The following PERP variants were observed in gnomAD, a reference collection of about 807,000 sequenced individuals.
PERP encodes the protein p53 apoptosis effector related to PMP-22.
PERP carries 11 observed loss-of-function variants against 20.3 expected under a neutral mutation model. The ratio of observed to expected loss-of-function variants is 0.54; its 90% CI spans 0.34 to 0.90. The LOEUF (loss-of-function observed/expected upper bound fraction) is 0.90, where lower values mean the gene tolerates loss of function less well. PERP is among the 40% of genes least tolerant of loss of function. The pLI is 0.02. For synonymous variants in PERP, 101 were observed against 102.0 expected (o/e 0.99, Z 0.06); for missense variants, 224 against 249.4 (o/e 0.90, Z 0.69).
At chr6:138,093,847 G>A (rs1262828390) in intron 2 of PERP, among the ~76,000 whole-genome samples, 1 of 152,122 alleles carries the variant, frequency 6.6e-6, no homozygotes, top group East Asian at 1.9e-4. Flanking sequence ...ACTACTAAAA[G>A]TGTGTTGAGA....
Position 138,088,666 on chromosome 6 carries a change from AC to A in PERP, c.*3375del, listed in dbSNP as rs959345470. 8 of 152,104 alleles carry A rather than the reference AC, an allele frequency of 5.3e-5. No homozygotes were observed. Among genetic ancestry groups the A allele is most frequent in the Admixed American group, 5.2e-4 (8 of 15,240 alleles). 9.4% of individuals were successfully genotyped at this position (152,104 alleles called of 1,614,324 possible). On this transcript the variant is annotated 3_prime_UTR_variant, in exon 3 of 3. Transcript: ENST00000421351. ...TCCACACCCTAGGTGGATTACACTC[AC>A]CCTGACACACCTAGAAAATACACCC... is the stretch of plus-strand genomic sequence containing the variant.
rs1421390402 is a variant in PERP at position 138,089,175 on chromosome 6, G to A, written c.*2867C>T. On this transcript the variant is annotated 3_prime_UTR_variant, in exon 3 of 3. Transcript: ENST00000421351. ...GCACAGATAGCAAGGACCAAAGTTGGGATGAGACTCAAATATGCCCTTTCA... is the reference window on the plus strand; with the variant it reads ...GCACAGATAGCAAGGACCAAAGTTGAGATGAGACTCAAATATGCCCTTTCA... 2 of 152,046 alleles carry A rather than the reference G, an allele frequency of 1.3e-5. No homozygotes were observed. Among genetic ancestry groups the A allele is most frequent in the Non-Finnish European group, 2.9e-5 (2 of 68,004 alleles). The allele number at this position is 152,046 out of a possible 1,614,324, so 9.4% of individuals were successfully genotyped here.
At chr6:138,104,472 TC>T (rs1396724659) in intron 1 of PERP, among the ~76,000 whole-genome samples, 1 of 152,202 alleles carries the variant, frequency 6.6e-6, no homozygotes, top group Non-Finnish European at 1.5e-5. Flanking sequence ...TTTATATAGT[TC>T]TAAGGAATTA....
At position 138,090,193 on chromosome 6, in the gene PERP, C is replaced by T. The variant is rs1390078443; in HGVS notation, c.*1849G>A. The stretch of plus-strand genomic sequence containing the variant: ...TTCTCTATGAGAAACATTCACCTCG[C>T]ATTTTGAAAAGCATAGAAAAATTCA... On this transcript the variant is annotated 3_prime_UTR_variant, in exon 3 of 3. Transcript: ENST00000421351. 6.6e-6 allele frequency: 1 copy of T among 152,126 alleles called. No homozygotes were observed. Among genetic ancestry groups the T allele is most frequent in the Non-Finnish European group, 1.5e-5 (1 of 68,028 alleles). The allele number at this position is 152,126 out of a possible 1,614,324, so 9.4% of individuals were successfully genotyped here. A position where few individuals can be genotyped will look rare whatever the true frequency, so the allele number is the denominator to read the frequency against.
At chr6:138,094,123 C>G (rs915612391) in intron 2 of PERP, among the ~76,000 whole-genome samples, 1 of 152,094 alleles carries the variant, frequency 6.6e-6, no homozygotes, top group African/African-American at 2.4e-5. Flanking sequence ...ATTTTTTATT[C>G]TGGTAAAATA....
intron 2 of PERP, among the ~76,000 whole-genome samples, chr6:138,095,964 G>T (rs1409843193): frequency 6.6e-6 from 1 of 152,188 alleles, no homozygotes; most frequent in African/African-American, 2.4e-5. Flanking sequence ...AAGGGAAATA[G>T]TTCAGGGGCA....
At position 138,089,312 on chromosome 6, in the gene PERP, A is replaced by G. The variant is rs751773057; in HGVS notation, c.*2730T>C. ...AACCGAATTAAGTTATGATGACTAT[A>G]TTTTCCATTGTTTTCATTTCCTTAA... On this transcript the variant is annotated 3_prime_UTR_variant, in exon 3 of 3. Coordinates refer to ENST00000421351, the MANE Select transcript of PERP (RefSeq NM_022121.5). 19 of 152,008 alleles carry G rather than the reference A, an allele frequency of 1.2e-4. No homozygotes were observed. Among genetic ancestry groups the G allele is most frequent in the Non-Finnish European group, 2.2e-4 (15 of 68,008 alleles). 9.4% of individuals were successfully genotyped at this position (152,008 alleles called of 1,614,324 possible). A position where few individuals can be genotyped will look rare whatever the true frequency, so the allele number is the denominator to read the frequency against.
intron 1 of PERP, 90 bp from the exon 2 acceptor site, chr6:138,096,584 T>C: frequency 7.2e-7 from 1 of 1,391,522 alleles, no homozygotes; most frequent in Non-Finnish European, 9.6e-7. Flanking sequence ...TTTGGGCTTT[T>C]TTTCCCTACT....
rs779541876 is a variant in PERP at position 138,107,333 on chromosome 6, C to A, written c.8G>T (p.Arg3Leu). The A allele has an allele frequency of 2.5e-6, 4 of 1,595,018 alleles. No homozygotes were observed. The highest frequency in any genetic ancestry group is 3.4e-6 in the Non-Finnish European group (4 of 1,174,108). The change falls in exon 1 of 3, where the codon CGC (arginine) becomes CTC (leucine). Residue 3 changes from arginine to leucine, a missense_variant. Coordinates refer to ENST00000421351, the MANE Select transcript of PERP (RefSeq NM_022121.5). The surrounding 1 kb of genome is among the most constrained non-coding windows in gnomAD (Gnocchi z 4.8). ...GCAGCGCTCGCAGGCCAGGCCGCAG[C>A]GGATCATGTTGACGGGCGGCGCGGG... is the stretch of plus-strand genomic sequence containing the variant. Reference protein sequence around the residue: MIRCGLACERCRW... With the variant: MILCGLACERCRW...
chr6:138,096,598 T>TA, intron 1 of PERP, 104 bp from the exon 2 acceptor site: 2 of 1,263,540 alleles, frequency 1.6e-6, no homozygotes, highest in East Asian at 2.6e-5. Flanking sequence ...CCCTACTAGT[T>TA]ACATTTGGAT....
chr6:138,101,831 G>A (rs534925629), intron 1 of PERP, among the ~76,000 whole-genome samples: 19 of 152,328 alleles, frequency 1.2e-4, no homozygotes, highest in Admixed American at 1.2e-3. Flanking sequence ...TAGTCAATGA[G>A]GAGGTAATCT....
chr6:138,093,384 A>G (rs1008277845), intron 2 of PERP, among the ~76,000 whole-genome samples: 1 of 144,044 alleles, frequency 6.9e-6, no homozygotes, highest in African/African-American at 2.5e-5. Context: ...TTTCTTCTTC[A>G]TTTTTTTTTT....
chr6:138,096,291 G>T, intron 2 of PERP, 63 bp downstream of exon 2: 1 of 1,573,840 alleles, frequency 6.4e-7, no homozygotes, highest in South Asian at 1.2e-5. Flanking sequence ...TTGTGGAATT[G>T]ACCATTACTA....
At chr6:138,098,763 C>G (rs772947043) in intron 1 of PERP, among the ~76,000 whole-genome samples, 2 of 151,914 alleles carry the variant, frequency 1.3e-5, no homozygotes, top group Non-Finnish European at 2.9e-5. Context: ...TTTTTCTGTC[C>G]TAGAAACACT....
rs182754206 is a variant in PERP, at chr6:138,090,724, A to T, written c.*1318T>A. 643 of 150,510 alleles carry T rather than the reference A, an allele frequency of 4.3e-3. 10 individuals are homozygous for T. The highest frequency in any genetic ancestry group is 7.9e-4 in the Non-Finnish European group (53 of 67,432). 9.3% of individuals were successfully genotyped at this position (150,510 alleles called of 1,614,324 possible). On this transcript the variant is annotated 3_prime_UTR_variant, in exon 3 of 3. Transcript: ENST00000421351. ...ATTATATCCCATGTTCTTATTACCCATTTTTTTTTTAATTCCTTTCCCCAG... is the reference window on the plus strand; with the variant it reads ...ATTATATCCCATGTTCTTATTACCCTTTTTTTTTTTAATTCCTTTCCCCAG...
At chr6:138,092,329 C>T in intron 2 of PERP, 61 bp from the exon 3 acceptor site, 1 of 1,360,696 alleles carries the variant, frequency 7.3e-7, no homozygotes, top group South Asian at 1.3e-5. Context: ...AATAAATACA[C>T]ATTAGCGACA....
chr6:138,103,551 T>C (rs1406569895), intron 1 of PERP, among the ~76,000 whole-genome samples: 1 of 152,162 alleles, frequency 6.6e-6, no homozygotes, highest in Admixed American at 6.5e-5. Flanking sequence ...TCCCCAACAT[T>C]TTTGGCACCA....
intron 1 of PERP, among the ~76,000 whole-genome samples, chr6:138,102,708 A>G (rs1437398354): frequency 6.6e-6 from 1 of 152,346 alleles, no homozygotes; most frequent in East Asian, 1.9e-4. Context: ...GATGTTATAA[A>G]TCATACGTAC....
chr6:138,096,491 C>T lies in PERP; in HGVS notation c.218G>A (p.Trp73Ter). ...GAGCATGGCAGCCGCTGCTCTACCC[C>T]ACGCTGCAAGAAAAAAAGAAACAGC... ...EGCQSLMEYAWGRAAAAMLFC... is the reference protein window; with the variant it reads ...EGCQSLMEYA The change falls in exon 2 of 3, where the codon TGG (tryptophan) becomes TAG (stop). Residue 73 changes from tryptophan (W) to a stop codon, truncating the protein, a stop_gained. Coordinates refer to ENST00000421351, the MANE Select transcript of PERP (RefSeq NM_022121.5). LOFTEE classifies it high-confidence loss of function. 2 of 1,606,122 alleles carry T rather than the reference C, an allele frequency of 1.2e-6. No individual in the cohort carries two copies. Among genetic ancestry groups the T allele is most frequent in the Non-Finnish European group, 1.7e-6 (2 of 1,177,260 alleles).
Sources: gnomAD v4.1 joint callset for allele counts (sites outside exome capture counted in the v4.1 genomes callset) on GRCh38, gnomAD v4.1.1 for gene constraint, Gnocchi (gnomAD v3.1) non-coding constraint, MANE v1.5 for transcripts, NCBI Gene and HGNC (gene_info 2026-07-23, HGNC 2026-07-21) for gene names.